Variants in STK32B observed in about 807,000 individuals in gnomAD.
STK32B encodes the protein serine/threonine-protein kinase 32B.
In STK32B, 43 loss-of-function variants were observed where a neutral mutation model predicts 52.6. The observed-to-expected ratio is 0.82, with a 90% CI of 0.64 to 1.05. STK32B has a LOEUF of 1.05. Among genes scored for constraint, STK32B ranks in the 50% least tolerant of loss-of-function variants. The pLI is 0.00. For synonymous variants in STK32B, 238 were observed against 204.3 expected (o/e 1.17, Z -1.41); for missense variants, 621 against 534.6 (o/e 1.16, Z -1.59).
At chr4:5,419,478 G>C (rs1023268890) in intron 6 of STK32B, among the ~76,000 whole-genome samples, 11 of 152,180 alleles carry the variant, frequency 7.2e-5, no homozygotes, top group Admixed American at 1.3e-4. Flanking sequence ...TTTATCAAGA[G>C]CCCTTTCAAT....
intron 3 of STK32B, among the ~76,000 whole-genome samples, chr4:5,206,683 T>A (rs1722596386): frequency 6.6e-6 from 1 of 152,066 alleles, no homozygotes; most frequent in Non-Finnish European, 1.5e-5. Context: ...AAAAGGCCCA[T>A]CTGCAAAACA....
intron 3 of STK32B, among the ~76,000 whole-genome samples, chr4:5,300,583 G>A (rs1389345359): frequency 6.6e-6 from 1 of 152,100 alleles, no homozygotes; most frequent in Non-Finnish European, 1.5e-5. Context: ...CTTCAGTAAT[G>A]TTTCAGGATA....
chr4:5,430,600 C>A (rs1713495673), intron 6 of STK32B, among the ~76,000 whole-genome samples: 1 of 151,866 alleles, frequency 6.6e-6, no homozygotes, highest in Non-Finnish European at 1.5e-5. Flanking sequence ...GTTTTTTTGT[C>A]CTGTGTCTGA....
intron 1 of STK32B, among the ~76,000 whole-genome samples, chr4:5,124,756 AT>A (rs779221675): frequency 1.3e-5 from 2 of 152,182 alleles, no homozygotes; most frequent in Non-Finnish European, 2.9e-5. Flanking sequence ...ATGCATATAG[AT>A]GCACGTGTGT....
Position 5,311,535 on chromosome 4 carries a change from C to G in STK32B, c.261-19685C>G, listed in dbSNP as rs150726655. Among the ~76,000 whole-genome samples the G allele has an allele frequency of 2.5e-4, 38 of 152,162 alleles. No individual in the cohort carries two copies. The East Asian group carries it at 7.3e-3, about 29-fold the overall frequency. On this transcript the variant is annotated intron_variant, in intron 3 of 11. Transcript: ENST00000282908. ...AATATTTAAGAAAGTTGATCAAGCTCTAGCAAGACTGACAAACATAAAATG... is the reference window on the plus strand; with the variant it reads ...AATATTTAAGAAAGTTGATCAAGCTGTAGCAAGACTGACAAACATAAAATG...
chr4:5,039,105 G>C, the STK32B span, among the ~76,000 whole-genome samples: 1 of 150,244 alleles, frequency 6.7e-6, no homozygotes, highest in African/African-American at 2.5e-5. Flanking sequence ...TCCCACTTCA[G>C]CCTTCTGAAT....
In STK32B at chr4:5,064,467, A is replaced by AT. The variant is rs1560133235; in HGVS notation, c.52+12552_52+12553insT. 4.5e-4 allele frequency among the ~76,000 whole-genome samples: 39 copies of AT among 86,058 alleles called. 7 individuals carry two copies. Among genetic ancestry groups the AT allele is most frequent in the African/African-American group, 1.5e-3 (37 of 24,352 alleles). 56.5% of individuals were successfully genotyped at this position (86,058 alleles called of 152,430 possible). A position where few individuals can be genotyped will look rare whatever the true frequency, so the allele number is the denominator to read the frequency against. On this transcript the variant is annotated intron_variant, in intron 1 of 11. Coordinates refer to ENST00000282908, the MANE Select transcript of STK32B (RefSeq NM_018401.3). The stretch of plus-strand genomic sequence containing the variant: ...TATAAATATATACTTATATACATAT[A>AT]ATATATAAATATATACTTATGTTAT...
At chr4:5,038,685 G>T in the STK32B span, among the ~76,000 whole-genome samples, 3 of 152,168 alleles carry the variant, frequency 2.0e-5, no homozygotes, top group South Asian at 6.2e-4. Context: ...CTTGGATAGG[G>T]TACTTACAAT....
chr4:5,317,127 T>C (rs1378129197), intron 3 of STK32B, among the ~76,000 whole-genome samples: 1 of 40,400 alleles, frequency 2.5e-5, no homozygotes, highest in East Asian at 9.2e-4. Context: ...TAATACATTA[T>C]AATATATAAT....
intron 3 of STK32B, among the ~76,000 whole-genome samples, chr4:5,171,793 T>G (rs1356922005): frequency 6.7e-6 from 1 of 149,756 alleles, no homozygotes; most frequent in African/African-American, 2.4e-5. Flanking sequence ...CAATGTGGGC[T>G]CTGTTTTGGT....
intron 1 of STK32B, among the ~76,000 whole-genome samples, chr4:5,107,223 G>A (rs969275907): frequency 1.3e-5 from 2 of 151,952 alleles, no homozygotes; most frequent in African/African-American, 4.8e-5. Flanking sequence ...AATGCCTGAT[G>A]ATCTGTCACT....
At chr4:5,269,300 T>C (rs562682346) in intron 3 of STK32B, among the ~76,000 whole-genome samples, 1 of 152,226 alleles carries the variant, frequency 6.6e-6, no homozygotes, top group African/African-American at 2.4e-5. Flanking sequence ...TCAAGAGGAA[T>C]TGAGTAGAGA....
chr4:5,447,066 G>A (rs1715523273), intron 7 of STK32B: 1 of 277,234 alleles, frequency 3.6e-6, no homozygotes. Context: ...TTGGCCTCGT[G>A]GTTTCAAACA....
chr4:5,477,151 C>T (rs1402743854), intron 11 of STK32B, among the ~76,000 whole-genome samples: 3 of 152,134 alleles, frequency 2.0e-5, no homozygotes, highest in Non-Finnish European at 2.9e-5. Context: ...GCTGTCTCAC[C>T]GTGTAACCCT....
At position 5,398,947 on chromosome 4, in the gene STK32B, G is replaced by A. The variant is rs2526316; in HGVS notation, c.472+703G>A. Among the ~76,000 whole-genome samples, 1 of 151,966 alleles carries A rather than the reference G, an allele frequency of 6.6e-6. No individual in the cohort carries two copies. Among genetic ancestry groups the A allele is most frequent in the East Asian group, 1.9e-4 (1 of 5,152 alleles). The stretch of plus-strand genomic sequence containing the variant: ...TCTGGCCTTACCAGAATTACCTGGG[G>A]GACCTGGTAAAAATCAGAGGTCAGG... On this transcript the variant is annotated intron_variant, in intron 5 of 11. Coordinates refer to ENST00000282908, the MANE Select transcript of STK32B (RefSeq NM_018401.3). This position sits in a 1 kb window ranked among gnomAD's most constrained non-coding sequence, Gnocchi z 4.9.
intron 7 of STK32B, among the ~76,000 whole-genome samples, chr4:5,449,970 A>G (rs2369711): frequency 0.093 from 14,101 of 152,220 alleles, 1,061 homozygotes; most frequent in East Asian, 0.4. Flanking sequence ...AATAAAGTGT[A>G]GAATAAATGT....
the STK32B span, among the ~76,000 whole-genome samples, chr4:5,038,321 T>C: frequency 6.6e-6 from 1 of 152,224 alleles, no homozygotes; most frequent in African/African-American, 2.4e-5. Flanking sequence ...AGATATGGAT[T>C]AAGCTGATGA....
chr4:5,074,188 A>ATATATGTGTGTG (rs375845988), intron 1 of STK32B, among the ~76,000 whole-genome samples: 33 of 148,890 alleles, frequency 2.2e-4, no homozygotes, highest in Middle Eastern at 3.5e-3. Flanking sequence ...AAATATATAT[A>ATATATGTGTGTG]TGTGTGTGTG....
Position 5,395,692 on chromosome 4 carries a change from C to G in STK32B, c.435-2515C>G, listed in dbSNP as rs1303251754. The stretch of plus-strand genomic sequence containing the variant: ...TAAATGCTTGAGATTCCACTCTGTG[C>G]TAAGAGCCAACACAGAAGCAATGTG... On this transcript the variant is annotated intron_variant, in intron 4 of 11. Transcript: ENST00000282908. The surrounding 1 kb of genome is among the most constrained non-coding windows in gnomAD (Gnocchi z 4.4). 6.6e-6 allele frequency among the ~76,000 whole-genome samples: 1 copy of G among 152,224 alleles called. No homozygotes were observed. The highest frequency in any genetic ancestry group is 2.4e-5 in the African/African-American group (1 of 41,452).
Sources: allele counts gnomAD v4.1 joint callset (sites outside exome capture counted in the v4.1 genomes callset), GRCh38; gene constraint gnomAD v4.1.1; non-coding constraint Gnocchi (gnomAD v3.1); transcripts MANE v1.5; gene names NCBI Gene and HGNC (gene_info 2026-07-23, HGNC 2026-07-21).